Variants in INPPL1 observed in about 807,000 individuals in gnomAD.
The protein encoded by INPPL1 is phosphatidylinositol 3,4,5-trisphosphate 5-phosphatase 2.
INPPL1 carries 91 observed loss-of-function variants against 139.3 expected under a neutral mutation model. The ratio of observed to expected loss-of-function variants is 0.65; its 90% CI spans 0.55 to 0.78. INPPL1 has a LOEUF of 0.78. INPPL1 is among the 30% of genes least tolerant of loss of function. INPPL1 has a pLI of 0.00. For missense variants in INPPL1, 1,411 were observed against 1,665.6 expected (o/e 0.85, Z 2.66); for synonymous variants, 719 against 686.6 (o/e 1.05, Z -0.74).
chr11:72,234,230 C>A lies in INPPL1; in HGVS notation c.2213-51C>A. The stretch of plus-strand genomic sequence containing the variant: ...AGGGCCCTGTTTCTCTGTCCCATTC[C>A]TCCTGTGATCCTCTCAGTCCTCCTG... On this transcript the variant is annotated intron_variant, in intron 19 of 27. Coordinates refer to ENST00000298229, the MANE Select transcript of INPPL1 (RefSeq NM_001567.4). The surrounding 1 kb of genome is among the most constrained non-coding windows in gnomAD (Gnocchi z 4.2). 1.4e-6 allele frequency: 2 copies of A among 1,384,826 alleles called. No homozygotes were observed. Among genetic ancestry groups the A allele is most frequent in the Non-Finnish European group, 2.1e-6 (2 of 972,388 alleles). The allele number at this position is 1,384,826 out of a possible 1,614,324, so 85.8% of individuals were successfully genotyped here. A position where few individuals can be genotyped will look rare whatever the true frequency, so the allele number is the denominator to read the frequency against.
chr11:72,228,904 T>G lies in INPPL1; in HGVS notation c.518+57T>G, dbSNP rs1948751651. ...GACCCTTTCTCCTCTGAGAACTATTTCCCTACCAAAGGTGGGGAGGCCTTC... is the reference window on the plus strand; with the variant it reads ...GACCCTTTCTCCTCTGAGAACTATTGCCCTACCAAAGGTGGGGAGGCCTTC... On this transcript the variant is annotated intron_variant, in intron 4 of 27. Coordinates refer to ENST00000298229, the MANE Select transcript of INPPL1 (RefSeq NM_001567.4). This position sits in a 1 kb window ranked among gnomAD's most constrained non-coding sequence, Gnocchi z 5.0. The G allele has an allele frequency of 1.3e-6, 2 of 1,528,564 alleles. No homozygotes were observed. Among genetic ancestry groups the G allele is most frequent in the Non-Finnish European group, 1.8e-6 (2 of 1,138,476 alleles). The allele number at this position is 1,528,564 out of a possible 1,614,324, so 94.7% of individuals were successfully genotyped here.
At position 72,226,004 on chromosome 11, in the gene INPPL1, G is replaced by A. The variant is rs559306750; in HGVS notation, c.182+838G>A. On this transcript the variant is annotated intron_variant, in intron 1 of 27. Transcript: ENST00000298229. The stretch of plus-strand genomic sequence containing the variant: ...TTGAGTTGGCTTCTGTGGGCCCAGT[G>A]AGTGGGAATCTGTGGGGGCTGCTTT... Among the ~76,000 whole-genome samples the A allele has an allele frequency of 2.0e-5, 3 of 152,248 alleles. No individual in the cohort carries two copies. The East Asian group carries it at 5.8e-4, about 29-fold the overall frequency.
Position 72,237,447 on chromosome 11 carries a change from G to A in INPPL1, c.3203G>A (p.Ser1068Asn), listed in dbSNP as rs1441023536. Reference protein sequence around the residue: ...LPDSAIFLPPSLDPLPGPVVR... With the variant: ...LPDSAIFLPPNLDPLPGPVVR... The stretch of plus-strand genomic sequence containing the variant: ...GACTCAGCCATCTTCCTGCCCCCCA[G>A]CCTGGATCCTTTACCAGGGCCAGTG... The change falls in exon 26 of 28, where the codon AGC (serine) becomes AAC (asparagine). Residue 1068 changes from serine (S) to asparagine (N), a missense_variant. By Grantham distance (46) the Ser-to-Asn change is conservative. Around this residue, in one of 5 missense-constraint regions of INPPL1, gnomAD observed 438 missense variants for 425.7 expected, o/e 1.03. Coordinates refer to ENST00000298229, the MANE Select transcript of INPPL1 (RefSeq NM_001567.4). 1.2e-6 allele frequency: 2 copies of A among 1,610,454 alleles called. No homozygotes were observed. The highest frequency in any genetic ancestry group is 8.5e-7 in the Non-Finnish European group (1 of 1,177,790).
In INPPL1 at chr11:72,230,675, T is replaced by C. The variant is rs1948807443; in HGVS notation, c.1198-121T>C. 5 of 873,852 alleles carry C rather than the reference T, an allele frequency of 5.7e-6. No homozygotes were observed. The South Asian group carries it at 7.9e-5, about 14-fold the overall frequency. The allele number at this position is 873,852 out of a possible 1,614,324, so 54.1% of individuals were successfully genotyped here. A position where few individuals can be genotyped will look rare whatever the true frequency, so the allele number is the denominator to read the frequency against. On this transcript the variant is annotated intron_variant, in intron 10 of 27. Coordinates refer to ENST00000298229, the MANE Select transcript of INPPL1 (RefSeq NM_001567.4). ...CACTGTTATATGCTTGAGCAGTGGG[T>C]ATGCAGTGGAGAACCAGACAGACCC...
rs777171110 is a variant in INPPL1, at chr11:72,233,075, G to A, written c.1952G>A (p.Ser651Asn). ...CCCACCTGTCTCCTGCTTTCCTTAG[G>A]TGAGGAGGAGATCTCCTTCCCACCC... The part of the protein sequence containing the change: ...REKHKVFLRF[S>N]EEEISFPPTY... The change falls in exon 17 of 28, where the codon AGT (serine) becomes AAT (asparagine). Residue 651 changes from serine (S) to asparagine (N), a missense_variant and splice_region_variant. Physicochemically the swap from Ser to Asn is conservative, Grantham distance 46. Around this residue, in one of 5 missense-constraint regions of INPPL1, gnomAD observed 363 missense variants for 446.2 expected, o/e 0.81. Coordinates refer to ENST00000298229, the MANE Select transcript of INPPL1 (RefSeq NM_001567.4). The A allele has an allele frequency of 5.0e-6, 8 of 1,613,990 alleles. No individual in the cohort carries two copies. Among genetic ancestry groups the A allele is most frequent in the Non-Finnish European group, 5.9e-6 (7 of 1,179,944 alleles).
At chr11:72,227,046 G>C (rs979580765) in intron 1 of INPPL1, among the ~76,000 whole-genome samples, 1 of 152,140 alleles carries the variant, frequency 6.6e-6, no homozygotes, top group Non-Finnish European at 1.5e-5. Flanking sequence ...TCAGACGTGG[G>C]CAATATCTTA....
intron 12 of INPPL1, 43 bp downstream of exon 12, chr11:72,231,232 C>T (rs749641087): frequency 1.3e-6 from 2 of 1,549,512 alleles, no homozygotes; most frequent in East Asian, 2.2e-5. Context: ...CCTCACACAC[C>T]ACCTCCAAAC....
In INPPL1 at chr11:72,229,206, C is replaced by T. The variant is rs550597792; in HGVS notation, c.635C>T (p.Ala212Val). The T allele has an allele frequency of 4.2e-5, 68 of 1,611,944 alleles. 1 individual carries two copies. In the Admixed American group the frequency reaches 7.8e-4, roughly 19 times the overall value. The change falls in exon 5 of 28, where the codon GCT becomes GTT. Residue 212 changes from alanine to valine, a missense_variant. Around this residue, in one of 5 missense-constraint regions of INPPL1, gnomAD observed 504 missense variants for 595.6 expected, o/e 0.85. Transcript: ENST00000298229. ...SHLPHLTRTLATSCRRLHSEV... is the reference protein window; with the variant it reads ...SHLPHLTRTLVTSCRRLHSEV... ...CTGCCCCACCTCACCCGTACCCTCG[C>T]TACCTCATGCCGGAGGCTGCACAGG...
chr11:72,233,046 G>T, intron 16 of INPPL1, 29 bp from the exon 17 acceptor site: 1 of 1,611,980 alleles, frequency 6.2e-7, no homozygotes, highest in Non-Finnish European at 8.5e-7. Flanking sequence ...TCAGGGCCCT[G>T]AACCCCACCT....
intron 1 of INPPL1, among the ~76,000 whole-genome samples, chr11:72,226,321 C>T (rs1014519692): frequency 3.3e-5 from 5 of 151,876 alleles, no homozygotes; most frequent in African/African-American, 1.2e-4. Flanking sequence ...GCTGGGATTA[C>T]AGGCGCTCGC....
chr11:72,230,950 G>A (rs1318830908), intron 11 of INPPL1, 43 bp from the exon 12 acceptor site: 10 of 1,611,956 alleles, frequency 6.2e-6, no homozygotes, highest in Admixed American at 1.7e-5. Flanking sequence ...CCCAGAGCAG[G>A]TGCCTAACCC....
At position 72,234,579 on chromosome 11, in the gene INPPL1, C is replaced by G; in HGVS notation, c.2379C>G (p.Phe793Leu). Reference protein sequence around the residue: ...NDAQSSDNINFLKVQWSSRQL... With the variant: ...NDAQSSDNINLLKVQWSSRQL... Reference sequence around the variant, plus strand: ...CCCAGAGCAGTGACAACATCAACTTCCTCAAAGTGCAGTGGTCTTCACGCC... The same window carrying G: ...CCCAGAGCAGTGACAACATCAACTTGCTCAAAGTGCAGTGGTCTTCACGCC... The change falls in exon 21 of 28, where the codon TTC becomes TTG. Residue 793 changes from phenylalanine to leucine, a missense_variant. Coordinates refer to ENST00000298229, the MANE Select transcript of INPPL1 (RefSeq NM_001567.4). The surrounding 1 kb of genome is among the most constrained non-coding windows in gnomAD (Gnocchi z 4.2). 15 of 1,610,120 alleles carry G rather than the reference C, an allele frequency of 9.3e-6. No homozygotes were observed. The highest frequency in any genetic ancestry group is 1.3e-5 in the Non-Finnish European group (15 of 1,177,712).
intron 12 of INPPL1, 51 bp downstream of exon 12, chr11:72,231,240 A>AAC (rs1193265433): frequency 1.3e-6 from 2 of 1,536,164 alleles, no homozygotes; most frequent in Non-Finnish European, 1.8e-6. Context: ...ACCACCTCCA[A>AAC]ACTAGCCTAC....
At chr11:72,226,498 G>T (rs894738936) in intron 1 of INPPL1, among the ~76,000 whole-genome samples, 1 of 152,034 alleles carries the variant, frequency 6.6e-6, no homozygotes, top group Non-Finnish European at 1.5e-5. Context: ...ATTTTTAATT[G>T]TCACAACTGG....
intron 26 of INPPL1, 23 bp downstream of exon 26, chr11:72,237,819 CTGTG>C (rs765673691): frequency 6.4e-7 from 1 of 1,571,750 alleles, no homozygotes; most frequent in Non-Finnish European, 8.6e-7. Context: ...GGGTGGCTGT[CTGTG>C]TGTGCCTGAG....
In INPPL1 at chr11:72,232,335, C is replaced by T. The variant is rs1165709765; in HGVS notation, c.1711C>T (p.Arg571Trp). The T allele has an allele frequency of 4.5e-6, 7 of 1,551,314 alleles. No individual in the cohort carries two copies. The highest frequency in any genetic ancestry group is 1.4e-5 in the African/African-American group (1 of 72,986). ...HLTSGNEKTA[R>W]RNQNYLDILR... ...CACCTCGGGAAATGAGAAGACGGCT[C>T]GGTGAGGGGGCGCCTTTCCCATGGT... The change falls in exon 14 of 28, where the codon CGG (arginine) becomes TGG (tryptophan). Residue 571 changes from arginine (R) to tryptophan (W), a missense_variant and splice_region_variant. Transcript: ENST00000298229.
chr11:72,230,722 A>G, intron 10 of INPPL1, 74 bp from the exon 11 acceptor site: 2 of 1,266,628 alleles, frequency 1.6e-6, no homozygotes, highest in East Asian at 2.4e-5. Flanking sequence ...ACATGAGCCA[A>G]CTGGCAGGGT....
intron 13 of INPPL1, 114 bp from the exon 14 acceptor site, chr11:72,232,126 G>A: frequency 2.4e-6 from 2 of 835,586 alleles, no homozygotes; most frequent in Non-Finnish European, 3.9e-6. Flanking sequence ...CCATGTCACA[G>A]CGTCTGGTGG....
rs1449176671 is a variant in INPPL1 at position 72,229,958 on chromosome 11, C to T, written c.878C>T (p.Ala293Val). ...GCCCTACAGGACATGAGCTCCACAG[C>T]ACCCCCAGCTCCGCAGCCATCCACA... Reference protein sequence around the residue: ...LKALQDMSSTAPPAPQPSTRK... With the variant: ...LKALQDMSSTVPPAPQPSTRK... The change falls in exon 8 of 28, where the codon GCA becomes GTA. Residue 293 changes from alanine (A) to valine (V), a missense_variant. Ala to Val is a moderately conservative substitution (Grantham distance 64). Around this residue, in one of 5 missense-constraint regions of INPPL1, gnomAD observed 504 missense variants for 595.6 expected, o/e 0.85. Coordinates refer to ENST00000298229, the MANE Select transcript of INPPL1 (RefSeq NM_001567.4). The T allele has an allele frequency of 6.2e-7, 1 of 1,614,106 alleles. No individual in the cohort carries two copies. Among genetic ancestry groups the T allele is most frequent in the Non-Finnish European group, 8.5e-7 (1 of 1,180,050 alleles).
Sources: allele counts gnomAD v4.1 joint callset (sites outside exome capture counted in the v4.1 genomes callset), GRCh38; gene constraint gnomAD v4.1.1; regional missense constraint gnomAD v4.1.1; non-coding constraint Gnocchi (gnomAD v3.1); transcripts MANE v1.5; gene names NCBI Gene and HGNC (gene_info 2026-07-23, HGNC 2026-07-21).